Variants in ZNF791 observed in about 807,000 individuals in gnomAD.
ZNF791 encodes zinc finger protein 791.
ZNF791 carries 4 observed loss-of-function variants against 11.5 expected under a neutral mutation model. That is an observed-to-expected ratio of 0.35 (90% CI 0.17 to 0.80). The LOEUF (loss-of-function observed/expected upper bound fraction) is 0.80, where lower values mean the gene tolerates loss of function less well. ZNF791 is among the 30% of genes least tolerant of loss of function. ZNF791 has a pLI of 0.53. For missense variants in ZNF791, 559 were observed against 699.4 expected (o/e 0.80, Z 2.26); for synonymous variants, 212 against 228.1 (o/e 0.93, Z 0.64).
At chr19:12,613,461 G>C (rs1037173699) in intron 1 of ZNF791, among the ~76,000 whole-genome samples, 25 of 151,994 alleles carry the variant, frequency 1.6e-4, no homozygotes, top group African/African-American at 5.8e-4. Context: ...GGCGCCTGTA[G>C]TCCCAGCTAC....
chr19:12,615,897 T>G (rs1349780111), intron 1 of ZNF791, among the ~76,000 whole-genome samples: 1 of 152,166 alleles, frequency 6.6e-6, no homozygotes, highest in African/African-American at 2.4e-5. Context: ...TAAATATTCA[T>G]GGGCAGGTTT....
intron 1 of ZNF791, among the ~76,000 whole-genome samples, chr19:12,613,925 G>A (rs2023200842): frequency 1.3e-5 from 2 of 152,110 alleles, no homozygotes; most frequent in Admixed American, 6.6e-5. Context: ...TAGACATTAC[G>A]TTTTGAGTTT....
At chr19:12,622,893 C>CAAA (rs34772341) in intron 1 of ZNF791, among the ~76,000 whole-genome samples, 3 of 93,700 alleles carry the variant, frequency 3.2e-5, no homozygotes, top group South Asian at 3.9e-4. Context: ...GACTCCGTCT[C>CAAA]AAAAAAAAAA....
At chr19:12,623,858 T>TC in intron 2 of ZNF791, 32 bp downstream of exon 2, 1 of 1,020,086 alleles carries the variant, frequency 9.8e-7, no homozygotes, top group African/African-American at 1.7e-5. Context: ...CTTTTTTCTT[T>TC]TTTTTTTTTT....
intron 3 of ZNF791, 72 bp from the exon 4 acceptor site, chr19:12,627,649 T>G: frequency 2.2e-6 from 3 of 1,344,784 alleles, no homozygotes; most frequent in Non-Finnish European, 3.1e-6. Context: ...AGAACTTTAG[T>G]TCTACTACCC....
At chr19:12,611,332 G>A (rs991051142) in intron 1 of ZNF791, among the ~76,000 whole-genome samples, 2 of 152,220 alleles carry the variant, frequency 1.3e-5, no homozygotes, top group African/African-American at 2.4e-5. Flanking sequence ...CCCGCCTTGT[G>A]TGTTTGGTTT....
At chr19:12,625,932 A>AGTGATT (rs1428077871) in intron 3 of ZNF791, among the ~76,000 whole-genome samples, 1 of 151,418 alleles carries the variant, frequency 6.6e-6, no homozygotes, top group Non-Finnish European at 1.5e-5. Flanking sequence ...GCAACCTCTA[A>AGTGATT]CCCCTGGGTT....
chr19:12,613,191 C>T (rs58294682), intron 1 of ZNF791, among the ~76,000 whole-genome samples: 79,910 of 150,368 alleles, frequency 0.53, 23,142 homozygotes, highest in Non-Finnish European at 0.67. Flanking sequence ...AACTCCGGAC[C>T]GCAGGTGATC....
At chr19:12,623,870 T>TGTG in intron 2 of ZNF791, 44 bp downstream of exon 2, 3 of 712,924 alleles carry the variant, frequency 4.2e-6, no homozygotes, top group East Asian at 5.9e-5. Flanking sequence ...TTTTTTTTTT[T>TGTG]GGGGGGGGAC....
At chr19:12,620,751 G>GTTTTTTTTTTTTTTTTT (rs2023327234) in intron 1 of ZNF791, among the ~76,000 whole-genome samples, 1 of 71,606 alleles carries the variant, frequency 1.4e-5, no homozygotes, top group African/African-American at 6.2e-5. Context: ...GGGGATTTAT[G>GTTTTTTTTTTTTTTTTT]TTCTTTTTTT....
chr19:12,628,336 T>A lies in ZNF791; in HGVS notation c.807T>A (p.Asp269Glu). ...VLTHMITHNG[D>E]RPYKCKECGK... is the part of the protein sequence containing the mutation. ...CACACATGATAACACACAACGGAGATAGACCTTATAAATGCAAAGAATGTG... is the reference window on the plus strand; with the variant it reads ...CACACATGATAACACACAACGGAGAAAGACCTTATAAATGCAAAGAATGTG... Residue 269 changes from aspartate to glutamate, a missense_variant, in exon 4 of 4, where the codon GAT becomes GAA. Physicochemically the swap from Asp to Glu is conservative, Grantham distance 45. Coordinates refer to ENST00000343325, the MANE Select transcript of ZNF791 (RefSeq NM_153358.3). The A allele has an allele frequency of 6.2e-7, 1 of 1,611,036 alleles. No individual in the cohort carries two copies. The highest frequency in any genetic ancestry group is 1.3e-5 in the African/African-American group (1 of 74,442).
chr19:12,618,917 A>G (rs1384253451), intron 1 of ZNF791, among the ~76,000 whole-genome samples: 2 of 149,288 alleles, frequency 1.3e-5, no homozygotes, highest in Non-Finnish European at 3.0e-5. Context: ...GTGTGATCTC[A>G]GCTCACTGCA....
intron 1 of ZNF791, among the ~76,000 whole-genome samples, chr19:12,621,018 C>T (rs2023334672): frequency 1.3e-5 from 2 of 151,994 alleles, no homozygotes; most frequent in South Asian, 4.1e-4. Flanking sequence ...GCCTCGGCCT[C>T]CCACAGTGCT....
In ZNF791 at chr19:12,623,795, G is replaced by A; in HGVS notation, c.99G>A (p.Met33Ile). Residue 33 changes from methionine (M) to isoleucine (I), a missense_variant, in exon 2 of 4, where the codon ATG (methionine) becomes ATA (isoleucine). Coordinates refer to ENST00000343325, the MANE Select transcript of ZNF791 (RefSeq NM_153358.3). ...AGAAGAAACTCTACAGAGATGTGAT[G>A]CAGGAAACATTCAAGAACCTGGCAT... The part of the protein sequence containing the change: ...PSQKKLYRDV[M>I]QETFKNLASI... 5.0e-6 allele frequency: 8 copies of A among 1,591,134 alleles called. No individual in the cohort carries two copies. The highest frequency in any genetic ancestry group is 6.9e-6 in the Non-Finnish European group (8 of 1,167,372).
intron 1 of ZNF791, chr19:12,623,405 T>C (rs951748374): frequency 1.1e-5 from 4 of 351,638 alleles, no homozygotes; most frequent in African/African-American, 2.2e-5. Flanking sequence ...ACCATCTATG[T>C]CTCAAAAAGG....
Position 12,627,765 on chromosome 19 carries a change from A to G in ZNF791, c.236A>G (p.Gln79Arg). ...CTCTGTGAAGGTAAAGAAGGTAGTC[A>G]ATGTGCAGAAAACTTCAGTCCCAAT... The part of the protein sequence containing the change: ...ERLCEGKEGS[Q>R]CAENFSPNLS... The change falls in exon 4 of 4, where the codon CAA (glutamine) becomes CGA (arginine). Residue 79 changes from glutamine to arginine, a missense_variant. By Grantham distance (43) the Gln-to-Arg change is conservative. Coordinates refer to ENST00000343325, the MANE Select transcript of ZNF791 (RefSeq NM_153358.3). 3 of 1,614,114 alleles carry G rather than the reference A, an allele frequency of 1.9e-6. No individual in the cohort carries two copies. In the South Asian group the frequency reaches 3.3e-5, roughly 18 times the overall value.
chr19:12,617,456 C>T (rs1311684491), intron 1 of ZNF791, among the ~76,000 whole-genome samples: 1 of 152,000 alleles, frequency 6.6e-6, no homozygotes, highest in Non-Finnish European at 1.5e-5. Context: ...TTTTTTGATT[C>T]ATGTTTAGAA....
intron 2 of ZNF791, among the ~76,000 whole-genome samples, chr19:12,624,399 C>T (rs1193633147): frequency 3.3e-5 from 5 of 151,890 alleles, no homozygotes; most frequent in South Asian, 4.2e-4. Context: ...GTGATCCACC[C>T]GCCTCAGCCT....
At position 12,628,131 on chromosome 19, in the gene ZNF791, G is replaced by T; in HGVS notation, c.602G>T (p.Ser201Ile). Residue 201 changes from serine to isoleucine, a missense_variant, in exon 4 of 4, where the codon AGT (serine) becomes ATT (isoleucine). Coordinates refer to ENST00000343325, the MANE Select transcript of ZNF791 (RefSeq NM_153358.3). ...TGTGGAAAAGCTCTTAGTTGTTCCA[G>T]TTCGCTTCGAGTTCATGAAAGGATT... ...KQCGKALSCSSSLRVHERIHT... is the reference protein window; with the variant it reads ...KQCGKALSCSISLRVHERIHT... 6.2e-7 allele frequency: 1 copy of T among 1,614,078 alleles called. No homozygotes were observed. Among genetic ancestry groups the T allele is most frequent in the Non-Finnish European group, 8.5e-7 (1 of 1,180,026 alleles).
Sources: allele counts gnomAD v4.1 joint callset (sites outside exome capture counted in the v4.1 genomes callset), GRCh38; gene constraint gnomAD v4.1.1; transcripts MANE v1.5; gene names NCBI Gene and HGNC (gene_info 2026-07-23, HGNC 2026-07-21).